Variants in IGSF5 observed in about 807,000 individuals in gnomAD.
IGSF5 encodes immunoglobulin superfamily 5 like.
IGSF5 carries 41 observed loss-of-function variants against 39.4 expected under a neutral mutation model. That is an observed-to-expected ratio of 1.04 (90% confidence interval 0.81 to 1.35). The LOEUF (loss-of-function observed/expected upper bound fraction) is 1.35, where lower values mean the gene tolerates loss of function less well. Ranked by LOEUF, IGSF5 falls within the 40% of genes most tolerant of loss-of-function variation. IGSF5 has a pLI of 0.00. For missense variants in IGSF5, 487 were observed against 494.6 expected (o/e 0.98, Z 0.15); for synonymous variants, 183 against 175.3 (o/e 1.04, Z -0.34).
At chr21:39,785,675 C>T (rs2080197002) in intron 5 of IGSF5, among the ~76,000 whole-genome samples, 3 of 152,166 alleles carry the variant, frequency 2.0e-5, no homozygotes, top group African/African-American at 7.2e-5. Context: ...GATATTGATT[C>T]TTCCTACCCA....
chr21:39,750,253 T>TA (rs1392029957), intron 2 of IGSF5, among the ~76,000 whole-genome samples: 1 of 152,182 alleles, frequency 6.6e-6, no homozygotes, highest in Non-Finnish European at 1.5e-5. Flanking sequence ...TCTTGGTCTT[T>TA]AAATATGTTA....
At chr21:39,797,729 C>T (rs2087004902) in intron 8 of IGSF5, among the ~76,000 whole-genome samples, 1 of 152,030 alleles carries the variant, frequency 6.6e-6, no homozygotes, top group African/African-American at 2.4e-5. Context: ...ACTATTTGCC[C>T]AGGCTGTTCT....
At chr21:39,742,104 T>G (rs773482972), upstream of IGSF5, among the ~76,000 whole-genome samples, 2 of 151,738 alleles carry the variant, frequency 1.3e-5, no homozygotes, top group Non-Finnish European at 2.9e-5. Context: ...ATTCTTTGCT[T>G]GTCCATATTG....
intron 2 of IGSF5, among the ~76,000 whole-genome samples, chr21:39,748,750 G>A (rs2253741): frequency 0.72 from 109,286 of 152,038 alleles, 41,576 homozygotes; most frequent in Non-Finnish European, 0.84. Flanking sequence ...GCTAGTTGTG[G>A]AAAGGAATGA....
chr21:39,799,544 T>G (rs1025612728), intron 8 of IGSF5, among the ~76,000 whole-genome samples: 2 of 152,122 alleles, frequency 1.3e-5, no homozygotes, highest in African/African-American at 4.8e-5. Flanking sequence ...CACAGACATG[T>G]ATAGCATTGT....
rs192984912 is a variant in IGSF5 at position 39,748,372 on chromosome 21, G to T, written c.100+2074G>T. On this transcript the variant is annotated intron_variant, in intron 2 of 8. Coordinates refer to ENST00000380588, the MANE Select transcript of IGSF5 (RefSeq NM_001080444.2). The stretch of plus-strand genomic sequence containing the variant: ...GTCACCCAGGCTGGAGTGCAGTGGC[G>T]CAATCTCGGCTCACTGCAACCTCCA... 1.0e-4 allele frequency among the ~76,000 whole-genome samples: 14 copies of T among 133,698 alleles called. No homozygotes were observed. The South Asian group carries it at 3.5e-3, about 33-fold the overall frequency. The allele number at this position is 133,698 out of a possible 152,430, so 87.7% of individuals were successfully genotyped here. A position where few individuals can be genotyped will look rare whatever the true frequency, so the allele number is the denominator to read the frequency against.
chr21:39,780,788 C>T (rs1323299033), intron 5 of IGSF5, among the ~76,000 whole-genome samples: 1 of 152,196 alleles, frequency 6.6e-6, no homozygotes, highest in African/African-American at 2.4e-5. Context: ...TTTGTGGCTT[C>T]AGAAGCCTAC....
chr21:39,766,237 C>CT (rs1350482001), intron 3 of IGSF5, among the ~76,000 whole-genome samples: 24 of 151,976 alleles, frequency 1.6e-4, no homozygotes, highest in African/African-American at 1.2e-4. Context: ...CTTTGCTTTC[C>CT]TTTTTTCTGG....
rs147306672 is a variant in IGSF5, at chr21:39,762,591, A to C, written c.101-2944A>C. Among the ~76,000 whole-genome samples, 247 of 152,324 alleles carry C rather than the reference A, an allele frequency of 1.6e-3. 1 individual carries two copies. Among genetic ancestry groups the C allele is most frequent in the Middle Eastern group, 6.8e-3 (2 of 294 alleles). On this transcript the variant is annotated intron_variant, in intron 2 of 8. Coordinates refer to ENST00000380588, the MANE Select transcript of IGSF5 (RefSeq NM_001080444.2). The stretch of plus-strand genomic sequence containing the variant: ...TTGATCCTCTCCTGGATCAGGAAAA[A>C]GTAAGGAAAAGGAAGAGGATTCTCT...
chr21:39,740,688 C>A (rs2079944736), upstream of IGSF5, among the ~76,000 whole-genome samples: 1 of 152,160 alleles, frequency 6.6e-6, no homozygotes, highest in Non-Finnish European at 1.5e-5. Flanking sequence ...TCTAAATGGT[C>A]CCCTCGAGTG....
At chr21:39,757,579 CTTTT>C (rs35315186) in intron 2 of IGSF5, among the ~76,000 whole-genome samples, 1 of 130,708 alleles carries the variant, frequency 7.7e-6, no homozygotes, top group African/African-American at 2.8e-5. Context: ...AATGTGCATT[CTTTT>C]TTTTTTTTTT....
the IGSF5 span, among the ~76,000 whole-genome samples, chr21:39,735,236 C>G: frequency 6.6e-6 from 1 of 152,082 alleles, no homozygotes. Flanking sequence ...GTACGATGGT[C>G]TTATGAGTAA....
chr21:39,780,233 A>G (rs181945926), intron 5 of IGSF5, among the ~76,000 whole-genome samples: 1 of 152,340 alleles, frequency 6.6e-6, no homozygotes, highest in African/African-American at 2.4e-5. Context: ...AAAAACCACA[A>G]TGAAAGACAC....
intron 5 of IGSF5, among the ~76,000 whole-genome samples, chr21:39,782,419 C>A (rs997336382): frequency 3.3e-5 from 5 of 152,282 alleles, no homozygotes; most frequent in Non-Finnish European, 7.4e-5. Context: ...GCATTAAATA[C>A]ATTTACACTT....
chr21:39,783,509 C>CT (rs2080181994), intron 5 of IGSF5, among the ~76,000 whole-genome samples: 1 of 152,082 alleles, frequency 6.6e-6, no homozygotes, highest in Admixed American at 6.6e-5. Flanking sequence ...ATTTACATGT[C>CT]TAAGAAGACA....
At chr21:39,744,633 T>C (rs1377713036), upstream of IGSF5, among the ~76,000 whole-genome samples, 1 of 152,232 alleles carries the variant, frequency 6.6e-6, no homozygotes, top group Non-Finnish European at 1.5e-5. Flanking sequence ...AATCCCCTGT[T>C]AGAAAATCTG....
Position 39,765,709 on chromosome 21 carries a change from G to A in IGSF5, c.275G>A (p.Arg92His), listed in dbSNP as rs566316948. ...ATGGAGCCCATCATCACCAATGACC[G>A]CTTCACCTCTCAGAGGTACGACCAG... ...RPMEPIITNDRFTSQRYDQGG... is the reference protein window; with the variant it reads ...RPMEPIITNDHFTSQRYDQGG... The change falls in exon 3 of 9, where the codon CGC becomes CAC. Residue 92 changes from arginine (R) to histidine (H), a missense_variant. Physicochemically the swap from Arg to His is conservative, Grantham distance 29. Transcript: ENST00000380588. 89 of 1,614,062 alleles carry A rather than the reference G, an allele frequency of 5.5e-5. No individual in the cohort carries two copies. The South Asian group carries it at 7.0e-4, about 13-fold the overall frequency.
At chr21:39,788,424 G>A (rs2086937731) in intron 6 of IGSF5, among the ~76,000 whole-genome samples, 1 of 152,216 alleles carries the variant, frequency 6.6e-6, no homozygotes, top group Non-Finnish European at 1.5e-5. Context: ...ACTTGCTCTG[G>A]TTCCCTTAGG....
chr21:39,771,086 C>T lies in IGSF5; in HGVS notation c.589C>T (p.Gln197Ter). The change falls in exon 4 of 9, where the codon CAA becomes TAA. Residue 197 changes from glutamine (Q) to a stop codon, truncating the protein, a stop_gained. Coordinates refer to ENST00000380588, the MANE Select transcript of IGSF5 (RefSeq NM_001080444.2). LOFTEE classifies it high-confidence loss of function. ...YYFVPEPSDLQSAVSILALTP... is the reference protein window; with the variant it reads ...YYFVPEPSDL ...TTTTGTTCCGGAGCCCAGCGACCTT[C>T]AAAGTGCAGTGAGCATCCTGGCTCT... 1 of 1,613,784 alleles carries T rather than the reference C, an allele frequency of 6.2e-7. No homozygotes were observed. The highest frequency in any genetic ancestry group is 8.5e-7 in the Non-Finnish European group (1 of 1,179,878).
Sources: allele counts gnomAD v4.1 joint callset (sites outside exome capture counted in the v4.1 genomes callset), GRCh38; gene constraint gnomAD v4.1.1; transcripts MANE v1.5; gene names NCBI Gene and HGNC (gene_info 2026-07-23, HGNC 2026-07-21).